NOA1: variants seen among roughly 807,000 people sequenced by gnomAD.
NOA1 encodes nitric oxide-associated protein 1.
Under a neutral mutation model 58.4 loss-of-function variants are expected in NOA1, and 35 were observed. The observed-to-expected ratio is 0.60, with a 90% CI of 0.46 to 0.79. The LOEUF is 0.79. NOA1 is among the 30% of genes least tolerant of loss of function. The pLI, the probability that NOA1 is intolerant of heterozygous loss-of-function variation, is 0.00. For synonymous variants in NOA1, 397 were observed against 373.4 expected (o/e 1.06, Z -0.73); for missense variants, 895 against 894.6 (o/e 1.00, Z -0.01).
intron 3 of NOA1, among the ~76,000 whole-genome samples, chr4:56,968,854 C>T (rs1401517933): frequency 6.6e-6 from 1 of 152,182 alleles, no homozygotes; most frequent in African/African-American, 2.4e-5. Flanking sequence ...AAAATATATG[C>T]TCTCCTTATC....
chr4:56,977,382 C>A lies in NOA1; in HGVS notation c.204G>T (p.Met68Ile), dbSNP rs377143671. 30 of 1,614,234 alleles carry A rather than the reference C, an allele frequency of 1.9e-5. No individual in the cohort carries two copies. The African/African-American group carries it at 2.9e-4, about 16-fold the overall frequency. The change falls in exon 1 of 7, where the codon ATG becomes ATT. Residue 68 changes from methionine (M) to isoleucine (I), a missense_variant. Met to Ile is a conservative substitution (Grantham distance 10, BLOSUM62 1). Coordinates refer to ENST00000264230, the MANE Select transcript of NOA1 (RefSeq NM_032313.4). ...ACTCCGGGAACAGAAAACGCTCCTG[C>A]ATGTCACCACCTTCTCCAAAGCCCT... ...DTEGFGEGGD[M>I]QERFLFPEYI...
At chr4:56,965,144 C>T (rs528829252) in intron 5 of NOA1, among the ~76,000 whole-genome samples, 20 of 151,958 alleles carry the variant, frequency 1.3e-4, no homozygotes, top group Admixed American at 2.6e-4. Context: ...GGATTACAGG[C>T]GCGCACCACC....
In NOA1 at chr4:56,976,625, C is replaced by T; in HGVS notation, c.961G>A (p.Gly321Ser). 6.2e-7 allele frequency: 1 copy of T among 1,614,236 alleles called. No homozygotes were observed. The highest frequency in any genetic ancestry group is 2.2e-5 in the East Asian group (1 of 44,878). The change falls in exon 1 of 7, where the codon GGC (glycine) becomes AGC (serine). Residue 321 changes from glycine to serine, a missense_variant. Physicochemically the swap from Gly to Ser is moderately conservative, Grantham distance 56 (BLOSUM62 0). Around this residue, in one of 3 missense-constraint regions of NOA1, gnomAD observed 680 missense variants for 656.5 expected, o/e 1.04. Coordinates refer to ENST00000264230, the MANE Select transcript of NOA1 (RefSeq NM_032313.4). ...RDVRLISAKTGYGVEELISAL... is the reference protein window; with the variant it reads ...RDVRLISAKTSYGVEELISAL... Reference sequence around the variant, plus strand: ...GAGATCAACTCTTCCACTCCATAGCCGGTCTTGGCGCTGATCAGCCGCACG... The same window carrying T: ...GAGATCAACTCTTCCACTCCATAGCTGGTCTTGGCGCTGATCAGCCGCACG...
intron 6 of NOA1, 146 bp from the exon 7 acceptor site, chr4:56,963,807 C>T: frequency 1.6e-6 from 1 of 631,598 alleles, no homozygotes; most frequent in Non-Finnish European, 2.7e-6. Context: ...GAAACTGCGT[C>T]TTGCTATGTT....
intron 5 of NOA1, 117 bp downstream of exon 5, chr4:56,966,503 A>G (rs1481215509): frequency 1.3e-5 from 8 of 626,564 alleles, no homozygotes; most frequent in Non-Finnish European, 1.7e-5. Context: ...AGGTGAGGGA[A>G]AGCTAGCTCA....
At chr4:56,973,063 TTGGC>T in intron 3 of NOA1, 81 bp downstream of exon 3, 1 of 1,136,238 alleles carries the variant, frequency 8.8e-7, no homozygotes. Flanking sequence ...TCTTGATAAA[TTGGC>T]TGTATCTGGG....
rs777314871 is a variant in NOA1, at chr4:56,977,409, C to T, written c.177G>A (p.Thr59=). 7 of 1,614,198 alleles carry T rather than the reference C, an allele frequency of 4.3e-6. No individual in the cohort carries two copies. The highest frequency in any genetic ancestry group is 1.6e-4 in the Middle Eastern group (1 of 6,062). The change falls in exon 1 of 7, where the codon ACG becomes ACA. Residue 59 remains threonine, a synonymous_variant. Coordinates refer to ENST00000264230, the MANE Select transcript of NOA1 (RefSeq NM_032313.4). ...GRELPYDPVD[T]EGFGEGGDMQ... ...TGTCACCACCTTCTCCAAAGCCCTCCGTGTCCACGGGGTCATAAGGAAGCT... is the reference window on the plus strand; with the variant it reads ...TGTCACCACCTTCTCCAAAGCCCTCTGTGTCCACGGGGTCATAAGGAAGCT...
At chr4:56,972,523 C>T (rs1250342459) in intron 3 of NOA1, among the ~76,000 whole-genome samples, 1 of 152,128 alleles carries the variant, frequency 6.6e-6, no homozygotes, top group Non-Finnish European at 1.5e-5. Context: ...TACAGGGAGA[C>T]TATTCAGCTC....
At position 56,977,353 on chromosome 4, in the gene NOA1, A is replaced by T. The variant is rs1449177516; in HGVS notation, c.233T>A (p.Ile78Asn). The change falls in exon 1 of 7, where the codon ATC becomes AAC. Residue 78 changes from isoleucine to asparagine, a missense_variant. Coordinates refer to ENST00000264230, the MANE Select transcript of NOA1 (RefSeq NM_032313.4). Reference sequence around the variant, plus strand: ...GGTGGGTTGCGGCTCCGGATCCAGGATGTACTCCGGGAACAGAAAACGCTC... The same window carrying T: ...GGTGGGTTGCGGCTCCGGATCCAGGTTGTACTCCGGGAACAGAAAACGCTC... ...MQERFLFPEY[I>N]LDPEPQPTRE... 1.2e-6 allele frequency: 2 copies of T among 1,614,012 alleles called. No homozygotes were observed. Among genetic ancestry groups the T allele is most frequent in the African/African-American group, 2.7e-5 (2 of 74,922 alleles).
Position 56,973,367 on chromosome 4 carries a change from T to C in NOA1, c.1310-14A>G. On this transcript the variant is annotated splice_polypyrimidine_tract_variant and intron_variant, in intron 2 of 6. Transcript: ENST00000264230. ...TTCCAACTCTTCCTAGAACAAGTTA[T>C]AGTAAGGTTATTAGTCACTCCTTTA... 2 of 1,603,536 alleles carry C rather than the reference T, an allele frequency of 1.2e-6. No individual in the cohort carries two copies. Among genetic ancestry groups the C allele is most frequent in the Non-Finnish European group, 1.7e-6 (2 of 1,170,394 alleles).
intron 6 of NOA1, among the ~76,000 whole-genome samples, chr4:56,964,117 G>A (rs922763103): frequency 1.3e-5 from 2 of 151,626 alleles, no homozygotes; most frequent in African/African-American, 4.8e-5. Context: ...GCCCAGGCTG[G>A]AGTGCAATGG....
rs1227969158 is a variant in NOA1, at chr4:56,975,187, T to G, written c.1145-1165A>C. ...TACAGGCACGCACCACCAGCCTGACTAATTTTTGTATCTTTAGTAGAGACA... is the reference window on the plus strand; with the variant it reads ...TACAGGCACGCACCACCAGCCTGACGAATTTTTGTATCTTTAGTAGAGACA... On this transcript the variant is annotated intron_variant, in intron 1 of 6. Transcript: ENST00000264230. Among the ~76,000 whole-genome samples the G allele has an allele frequency of 2.6e-5, 4 of 151,302 alleles. No individual in the cohort carries two copies. The East Asian group carries it at 8.1e-4, about 31-fold the overall frequency.
In NOA1 at chr4:56,976,422, G is replaced by A. The variant is rs780376498; in HGVS notation, c.1144+20C>T. 6.2e-7 allele frequency: 1 copy of A among 1,601,212 alleles called. No homozygotes were observed. The highest frequency in any genetic ancestry group is 8.5e-7 in the Non-Finnish European group (1 of 1,170,942). Reference sequence around the variant, plus strand: ...TCCACCTTGCCAGGAAACGAAGAGGGCGAGCCTCCTAAAACTCACCTGGCC... The same window carrying A: ...TCCACCTTGCCAGGAAACGAAGAGGACGAGCCTCCTAAAACTCACCTGGCC... On this transcript the variant is annotated intron_variant, in intron 1 of 6. Coordinates refer to ENST00000264230, the MANE Select transcript of NOA1 (RefSeq NM_032313.4).
chr4:56,970,740 G>C (rs73819060), intron 3 of NOA1, among the ~76,000 whole-genome samples: 4,368 of 152,132 alleles, frequency 0.029, 216 homozygotes, highest in African/African-American at 0.1. Flanking sequence ...GGGACTACAG[G>C]TGTGAGGCAC....
intron 3 of NOA1, among the ~76,000 whole-genome samples, chr4:56,972,224 A>G (rs1721823373): frequency 6.6e-6 from 1 of 152,206 alleles, no homozygotes; most frequent in Non-Finnish European, 1.5e-5. Flanking sequence ...ACCTGAGAGC[A>G]CTGAGTTCTC....
In NOA1 at chr4:56,973,249, T is replaced by C. The variant is rs761032181; in HGVS notation, c.1414A>G (p.Met472Val). The C allele has an allele frequency of 8.1e-6, 13 of 1,614,098 alleles. No individual in the cohort carries two copies. The highest frequency in any genetic ancestry group is 1.1e-5 in the Non-Finnish European group (13 of 1,179,968). The part of the protein sequence containing the change: ...LAFDMENDPV[M>V]GTHKSTKQVE... Reference sequence around the variant, plus strand: ...TGTTTGGTGGATTTGTGTGTACCCATAACAGGGTCATTTTCCATGTCAAAG... The same window carrying C: ...TGTTTGGTGGATTTGTGTGTACCCACAACAGGGTCATTTTCCATGTCAAAG... The change falls in exon 3 of 7, where the codon ATG (methionine) becomes GTG (valine). Residue 472 changes from methionine (M) to valine (V), a missense_variant. Coordinates refer to ENST00000264230, the MANE Select transcript of NOA1 (RefSeq NM_032313.4).
chr4:56,973,786 C>T, intron 2 of NOA1, 72 bp downstream of exon 2: 2 of 1,473,694 alleles, frequency 1.4e-6, no homozygotes, highest in Non-Finnish European at 9.3e-7. Context: ...CCTCGGACAG[C>T]TGTATTTCAG....
At position 56,964,420 on chromosome 4, in the gene NOA1, T is replaced by G; in HGVS notation, c.1871A>C (p.Lys624Thr). 1 of 1,614,092 alleles carries G rather than the reference T, an allele frequency of 6.2e-7. No homozygotes were observed. Among genetic ancestry groups the G allele is most frequent in the Non-Finnish European group, 8.5e-7 (1 of 1,180,004 alleles). The change falls in exon 6 of 7, where the codon AAG (lysine) becomes ACG (threonine). Residue 624 changes from lysine (K) to threonine (T), a missense_variant. This residue lies in a region of NOA1 where 212 missense variants were observed against 221.3 expected (regional missense o/e 0.96). Transcript: ENST00000264230. ...LGASEAVADI[K>T]FSSAGWVSVT... is the part of the protein sequence containing the mutation. ...CATAAAATTACCTGCAGAGGAAAAC[T>G]TGATGTCGGCCACTGCTTCAGATGC...
At chr4:56,975,047 G>A (rs72606404) in intron 1 of NOA1, among the ~76,000 whole-genome samples, 1 of 150,748 alleles carries the variant, frequency 6.6e-6, no homozygotes, top group Non-Finnish European at 1.5e-5. Context: ...CTGTTTTTTT[G>A]GGTCTCTGTT....
Sources: gnomAD v4.1 joint callset for allele counts (sites outside exome capture counted in the v4.1 genomes callset) on GRCh38, gnomAD v4.1.1 for gene constraint, gnomAD v4.1.1 regional missense constraint, MANE v1.5 for transcripts, NCBI Gene and HGNC (gene_info 2026-07-23, HGNC 2026-07-21) for gene names.